The following SGCZ variants were observed in gnomAD, a reference collection of about 807,000 sequenced individuals.
SGCZ encodes the protein sarcoglycan zeta.
Under a neutral mutation model 41.3 loss-of-function variants are expected in SGCZ, and 40 were observed. That is an observed-to-expected ratio of 0.97 (90% CI 0.75 to 1.26). The LOEUF (loss-of-function observed/expected upper bound fraction) is 1.26. Among genes scored for constraint, SGCZ ranks in the 50% most tolerant of loss-of-function variants. The pLI is 0.00. For missense variants in SGCZ, 552 were observed against 369.8 expected (o/e 1.49, Z -4.04); for synonymous variants, 206 against 137.5 (o/e 1.50, Z -3.49).
chr8:15,030,761 G>A (rs940239703), intron 1 of SGCZ, among the ~76,000 whole-genome samples: 18 of 152,218 alleles, frequency 1.2e-4, no homozygotes, highest in East Asian at 1.9e-4. Flanking sequence ...GGACTACGGC[G>A]GAGGTAACCC....
intron 1 of SGCZ, among the ~76,000 whole-genome samples, chr8:14,951,281 C>A (rs1291920173): frequency 6.6e-6 from 1 of 151,936 alleles, no homozygotes; most frequent in Non-Finnish European, 1.5e-5. Context: ...AAATAAGCTG[C>A]AAAATTAGCA....
intron 1 of SGCZ, among the ~76,000 whole-genome samples, chr8:15,091,488 C>G (rs1427853926): frequency 6.6e-6 from 1 of 152,200 alleles, no homozygotes; most frequent in Non-Finnish European, 1.5e-5. Context: ...ATTCTATATG[C>G]ATGCCTTAGG....
At chr8:15,124,858 G>A in intron 1 of SGCZ, among the ~76,000 whole-genome samples, 1 of 152,044 alleles carries the variant, frequency 6.6e-6, no homozygotes, top group East Asian at 1.9e-4. Flanking sequence ...GGAAGGATAT[G>A]TATTTACATG....
intron 1 of SGCZ, among the ~76,000 whole-genome samples, chr8:14,635,468 G>A (rs1806797961): frequency 1.3e-5 from 2 of 151,848 alleles, no homozygotes; most frequent in African/African-American, 4.8e-5. Context: ...ACAACTACAG[G>A]GGTCCTCCCT....
At position 14,113,206 on chromosome 8, in the gene SGCZ, A is replaced by G. The variant is rs77155472; in HGVS notation, c.548-4971T>C. 4.6e-5 allele frequency among the ~76,000 whole-genome samples: 7 copies of G among 152,134 alleles called. No homozygotes were observed. The East Asian group carries it at 1.2e-3, about 25-fold the overall frequency. On this transcript the variant is annotated intron_variant, in intron 5 of 7. Transcript: ENST00000382080. ...GGACACTGCTTTTGCCCAGCATTCA[A>G]TACTCCTGTAATCTGAGCCCATTTG...
At chr8:14,219,141 C>G (rs996685059) in intron 4 of SGCZ, among the ~76,000 whole-genome samples, 2 of 152,062 alleles carry the variant, frequency 1.3e-5, no homozygotes, top group African/African-American at 4.8e-5. Context: ...TTGTGATGTG[C>G]GAAGAAAAGT....
At chr8:14,994,275 G>T (rs943014590) in intron 1 of SGCZ, among the ~76,000 whole-genome samples, 1 of 152,008 alleles carries the variant, frequency 6.6e-6, no homozygotes, top group Non-Finnish European at 1.5e-5. Flanking sequence ...ACATTTATTT[G>T]TGTGATTGCT....
intron 2 of SGCZ, among the ~76,000 whole-genome samples, chr8:14,413,243 T>C (rs10888088): frequency 0.056 from 8,512 of 152,094 alleles, 350 homozygotes; most frequent in Middle Eastern, 0.12. Context: ...TTAGGTAATG[T>C]TGTAATTATT....
intron 2 of SGCZ, among the ~76,000 whole-genome samples, chr8:14,394,815 T>TAAAC (rs1798859913): frequency 2.0e-5 from 3 of 151,980 alleles, no homozygotes; most frequent in Non-Finnish European, 4.4e-5. Context: ...ATGAACATAT[T>TAAAC]GTGTCTAAGT....
At chr8:15,184,463 C>G (rs983574582) in intron 1 of SGCZ, among the ~76,000 whole-genome samples, 2 of 152,072 alleles carry the variant, frequency 1.3e-5, no homozygotes, top group Non-Finnish European at 2.9e-5. Flanking sequence ...GAAGTTGTAT[C>G]GGGCATGAGT....
chr8:14,140,235 G>A lies in SGCZ; in HGVS notation c.547+24345C>T, dbSNP rs186892098. Among the ~76,000 whole-genome samples the A allele has an allele frequency of 5.5e-3, 843 of 152,220 alleles. 6 individuals are homozygous for A. Among genetic ancestry groups the A allele is most frequent in the African/African-American group, 0.019 (801 of 41,518 alleles). On this transcript the variant is annotated intron_variant, in intron 5 of 7. Coordinates refer to ENST00000382080, the MANE Select transcript of SGCZ (RefSeq NM_139167.4). Reference sequence around the variant, plus strand: ...ATATCATACTGAATGGGCAAAAACTGGAAGCATTCCCTTTGAAAACTGGCA... The same window carrying A: ...ATATCATACTGAATGGGCAAAAACTAGAAGCATTCCCTTTGAAAACTGGCA...
At chr8:14,137,829 A>G (rs2116916881) in intron 5 of SGCZ, among the ~76,000 whole-genome samples, 1 of 152,266 alleles carries the variant, frequency 6.6e-6, no homozygotes, top group African/African-American at 2.4e-5. Context: ...AATACAGAGA[A>G]CGCCACAAAG....
At chr8:14,384,996 G>A (rs1321010053) in intron 2 of SGCZ, among the ~76,000 whole-genome samples, 1 of 152,218 alleles carries the variant, frequency 6.6e-6, no homozygotes, top group African/African-American at 2.4e-5. Context: ...CTTGCTTGGG[G>A]AATGAAGATA....
chr8:14,677,204 T>C (rs1808305515), intron 1 of SGCZ, among the ~76,000 whole-genome samples: 1 of 151,890 alleles, frequency 6.6e-6, no homozygotes. Context: ...CACAGCATCA[T>C]TTACATTAGC....
At chr8:14,813,061 A>C (rs1801782387) in intron 1 of SGCZ, among the ~76,000 whole-genome samples, 3 of 152,184 alleles carry the variant, frequency 2.0e-5, no homozygotes, top group African/African-American at 7.2e-5. Flanking sequence ...CTCTTAAATA[A>C]CAAAAATTTT....
At chr8:14,218,526 C>G (rs1806079482) in intron 4 of SGCZ, among the ~76,000 whole-genome samples, 1 of 152,118 alleles carries the variant, frequency 6.6e-6, no homozygotes, top group Non-Finnish European at 1.5e-5. Flanking sequence ...CAGGTTGATG[C>G]AAAAGTAATT....
At chr8:14,322,379 A>T (rs75608292) in intron 3 of SGCZ, among the ~76,000 whole-genome samples, 1 of 152,076 alleles carries the variant, frequency 6.6e-6, no homozygotes, top group East Asian at 1.9e-4. Context: ...ACATGGAGTT[A>T]GCTTTCTCGG....
chr8:14,699,880 A>C (rs953150386), intron 1 of SGCZ, among the ~76,000 whole-genome samples: 10 of 152,104 alleles, frequency 6.6e-5, no homozygotes. Flanking sequence ...TCATTAGAGA[A>C]ATGCAAATCA....
chr8:14,867,390 G>A (rs897743913), intron 1 of SGCZ, among the ~76,000 whole-genome samples: 2 of 151,986 alleles, frequency 1.3e-5, no homozygotes, highest in Non-Finnish European at 2.9e-5. Flanking sequence ...ATTTGCTATA[G>A]GGAATAGTAC....
Sources: allele counts gnomAD v4.1 joint callset (sites outside exome capture counted in the v4.1 genomes callset), GRCh38; gene constraint gnomAD v4.1.1; transcripts MANE v1.5; gene names NCBI Gene and HGNC (gene_info 2026-07-23, HGNC 2026-07-21).